The following KIZ variants were observed in gnomAD, a reference collection of about 807,000 sequenced individuals.
KIZ encodes the protein centrosomal protein kizuna.
A neutral mutation model predicts 79.6 loss-of-function variants in KIZ; 68 were observed. That is an observed-to-expected ratio of 0.85 (90% confidence interval 0.70 to 1.05). KIZ has a LOEUF of 1.05. KIZ is among the 50% of genes least tolerant of loss of function. The pLI is 0.00. For synonymous variants in KIZ, 280 were observed against 281.8 expected (o/e 0.99, Z 0.06); for missense variants, 797 against 800.4 (o/e 1.00, Z 0.05).
rs138136557 is a variant in KIZ, at chr20:21,175,176, C to T, written c.1352+12017C>T. On this transcript the variant is annotated intron_variant, in intron 6 of 12. Coordinates refer to ENST00000619189, the MANE Select transcript of KIZ (RefSeq NM_018474.6). ...ATAACCCAGTGGCAGTAGATGTGGC[C>T]GTCAGGGTATTCCCTTTGTTTTCTA... Among the ~76,000 whole-genome samples, 399 of 152,308 alleles carry T rather than the reference C, an allele frequency of 2.6e-3. 2 individuals carry two copies. The highest frequency in any genetic ancestry group is 4.5e-3 in the Admixed American group (69 of 15,298).
chr20:21,219,677 C>T (rs1007582321), intron 9 of KIZ, among the ~76,000 whole-genome samples: 1 of 152,186 alleles, frequency 6.6e-6, no homozygotes, highest in Non-Finnish European at 1.5e-5. Flanking sequence ...CCCTGACATT[C>T]CTTCTAATGC....
At chr20:21,142,809 A>ATAAATAAAT (rs1408746766) in intron 3 of KIZ, among the ~76,000 whole-genome samples, 182 of 151,952 alleles carry the variant, frequency 1.2e-3, no homozygotes, top group African/African-American at 4.3e-3. Flanking sequence ...AAATAAATAA[A>ATAAATAAAT]TAAATAAAGT....
chr20:21,194,576 A>T (rs1015567354), intron 6 of KIZ: 2 of 152,224 alleles, frequency 1.3e-5, no homozygotes, highest in Non-Finnish European at 2.9e-5. Context: ...CTCATCTTTT[A>T]GTCCGAGAAA....
At chr20:21,170,908 C>A (rs1039239937) in intron 6 of KIZ, among the ~76,000 whole-genome samples, 1 of 152,158 alleles carries the variant, frequency 6.6e-6, no homozygotes, top group East Asian at 1.9e-4. Context: ...AATCACTTAA[C>A]GTAATGACCT....
chr20:21,243,869 C>T (rs2037302371), intron 11 of KIZ, among the ~76,000 whole-genome samples: 1 of 152,176 alleles, frequency 6.6e-6, no homozygotes, highest in Admixed American at 6.5e-5. Flanking sequence ...TGCCTGAAAG[C>T]ACTGAAGTTT....
At chr20:21,192,873 G>A (rs894047304) in intron 6 of KIZ, among the ~76,000 whole-genome samples, 2 of 152,224 alleles carry the variant, frequency 1.3e-5, no homozygotes, top group African/African-American at 4.8e-5. Flanking sequence ...AGAGTAGACA[G>A]TGGTTTGTGA....
At chr20:21,194,281 G>A (rs1273000336) in intron 6 of KIZ, 1 of 152,194 alleles carries the variant, frequency 6.6e-6, no homozygotes, top group African/African-American at 2.4e-5. Context: ...ACAAGGTGAT[G>A]GTAGGGCTAG....
chr20:21,126,003 G>A, upstream of KIZ: 2 of 1,324,900 alleles, frequency 1.5e-6, no homozygotes, highest in Non-Finnish European at 1.9e-6. Context: ...CCCGCCTCCT[G>A]CAGGCGGCCC....
At chr20:21,175,653 A>T (rs1262767520) in intron 6 of KIZ, among the ~76,000 whole-genome samples, 2 of 152,186 alleles carry the variant, frequency 1.3e-5, no homozygotes, top group African/African-American at 4.8e-5. Flanking sequence ...ATCAATAGGG[A>T]TCCTGTATAG....
chr20:21,178,777 G>A lies in KIZ; in HGVS notation c.1352+15618G>A, dbSNP rs185906627. 1.4e-4 allele frequency among the ~76,000 whole-genome samples: 21 copies of A among 152,164 alleles called. No homozygotes were observed. The East Asian group carries it at 3.9e-3, about 28-fold the overall frequency. On this transcript the variant is annotated intron_variant, in intron 6 of 12. Transcript: ENST00000619189. Reference sequence around the variant, plus strand: ...TCTAGTTTATTGAGAGGTTTTTATTGGGAAGGGGTGTTGAATTTTGTCAAA... The same window carrying A: ...TCTAGTTTATTGAGAGGTTTTTATTAGGAAGGGGTGTTGAATTTTGTCAAA...
At chr20:21,176,862 A>G (rs746174448) in intron 6 of KIZ, among the ~76,000 whole-genome samples, 2 of 152,278 alleles carry the variant, frequency 1.3e-5, no homozygotes, top group Non-Finnish European at 2.9e-5. Flanking sequence ...TGGACTTGGT[A>G]GAGAAATTAT....
intron 2 of KIZ, chr20:21,132,857 T>G (rs1169483840): frequency 3.3e-5 from 5 of 152,284 alleles, no homozygotes; most frequent in Non-Finnish European, 7.3e-5. Context: ...AAGGTACTAC[T>G]GTAGGCAGGA....
intron 1 of KIZ, among the ~76,000 whole-genome samples, chr20:21,130,113 C>T (rs74592010): frequency 0.016 from 2,452 of 151,936 alleles, 68 homozygotes; most frequent in African/African-American, 0.056. Context: ...CCTTTTTTTT[C>T]CCCCTGGTCC....
chr20:21,189,929 G>A lies in KIZ; in HGVS notation c.1353-15562G>A, dbSNP rs926025975. 3.3e-5 allele frequency among the ~76,000 whole-genome samples: 5 copies of A among 152,286 alleles called. 1 individual carries two copies. Among genetic ancestry groups the A allele is most frequent in the Non-Finnish European group, 7.4e-5 (5 of 68,026 alleles). Reference sequence around the variant, plus strand: ...CCCCCTGGAAGGGACCACCCAGGGGGCTGCACAATGGAGATTGAGGTAGCC... The same window carrying A: ...CCCCCTGGAAGGGACCACCCAGGGGACTGCACAATGGAGATTGAGGTAGCC... On this transcript the variant is annotated intron_variant, in intron 6 of 12. Transcript: ENST00000619189.
intron 12 of KIZ, 106 bp downstream of exon 12, chr20:21,244,394 T>G (rs1263189772): frequency 2.5e-6 from 2 of 794,596 alleles, no homozygotes; most frequent in Non-Finnish European, 4.3e-6. Context: ...GAAGCGGGCA[T>G]GCTCACAGGG....
intron 6 of KIZ, among the ~76,000 whole-genome samples, chr20:21,180,625 C>G (rs1303028414): frequency 6.6e-6 from 1 of 152,098 alleles, no homozygotes; most frequent in Admixed American, 6.6e-5. Context: ...CCCATGGTTT[C>G]AGAAGTTAGA....
At chr20:21,141,823 A>ACACTCTCTCTCT in intron 3 of KIZ, among the ~76,000 whole-genome samples, 1 of 104,060 alleles carries the variant, frequency 9.6e-6, no homozygotes, top group Admixed American at 1.0e-4. Context: ...ACACACACAC[A>ACACTCTCTCTCT]CTCTCTCTCT....
intron 9 of KIZ, among the ~76,000 whole-genome samples, chr20:21,223,993 T>C (rs547163007): frequency 6.7e-6 from 1 of 150,182 alleles, no homozygotes; most frequent in South Asian, 2.1e-4. Flanking sequence ...TCCTTATTTT[T>C]TATTTATTTA....
intron 11 of KIZ, among the ~76,000 whole-genome samples, chr20:21,241,570 T>C (rs2037218803): frequency 6.6e-6 from 1 of 152,242 alleles, no homozygotes; most frequent in Non-Finnish European, 1.5e-5. Flanking sequence ...ACTGGGATGT[T>C]TACTGGCTCC....
Sources: allele counts gnomAD v4.1 joint callset (sites outside exome capture counted in the v4.1 genomes callset), GRCh38; gene constraint gnomAD v4.1.1; transcripts MANE v1.5; gene names NCBI Gene and HGNC (gene_info 2026-07-23, HGNC 2026-07-21).